LAMC1: variants seen among roughly 807,000 people sequenced by gnomAD.
LAMC1 encodes laminin subunit gamma 1, also known as laminin subunit gamma-1.
A neutral mutation model predicts 173.6 loss-of-function variants in LAMC1; 38 were observed. The observed-to-expected ratio is 0.22, with a 90% CI of 0.17 to 0.29. The LOEUF is 0.29. Among genes scored for constraint, LAMC1 ranks in the 10% least tolerant of loss-of-function variants. The probability of loss-of-function intolerance (pLI) is 1.00; values close to 1 mark genes in which losing one functional copy is unlikely to be tolerated. For missense variants in LAMC1, 1,824 were observed against 2,051.8 expected (o/e 0.89, Z 2.14); for synonymous variants, 746 against 749.1 (o/e 1.00, Z 0.07).
intron 1 of LAMC1, among the ~76,000 whole-genome samples, chr1:183,049,326 G>A (rs2102021499): frequency 6.6e-6 from 1 of 152,210 alleles, no homozygotes; most frequent in South Asian, 2.1e-4. Context: ...TGTGGCAGAA[G>A]TCTTTTTAAA....
chr1:183,108,169 C>G (rs923075320), intron 2 of LAMC1, 107 bp from the exon 3 acceptor site: 1 of 1,017,794 alleles, frequency 9.8e-7, no homozygotes, highest in African/African-American at 1.6e-5. Flanking sequence ...CTAAAGAGGG[C>G]GTAAGTTAAA....
intron 1 of LAMC1, among the ~76,000 whole-genome samples, chr1:183,063,079 T>G (rs1021306565): frequency 2.0e-5 from 3 of 152,216 alleles, no homozygotes; most frequent in Admixed American, 2.0e-4. Context: ...CAATATTAAA[T>G]TCATTGTTTG....
chr1:183,088,746 G>A (rs1474215710), intron 1 of LAMC1, among the ~76,000 whole-genome samples: 3 of 152,208 alleles, frequency 2.0e-5, no homozygotes, highest in African/African-American at 7.2e-5. Context: ...TGGCATGGAT[G>A]GATATGGTGG....
chr1:183,122,046 G>T lies in LAMC1; in HGVS notation c.2213-17G>T. 1 of 1,610,598 alleles carries T rather than the reference G, an allele frequency of 6.2e-7. No homozygotes were observed. The highest frequency in any genetic ancestry group is 1.1e-5 in the South Asian group (1 of 90,836). ...CTTGTACATTTGCCTGTTTTCTCAC[G>T]CCTGCCTTCCAAATAGGTGTTTGTA... On this transcript the variant is annotated splice_polypyrimidine_tract_variant and intron_variant, in intron 12 of 27. Coordinates refer to ENST00000258341, the MANE Select transcript of LAMC1 (RefSeq NM_002293.4).
At position 183,130,374 on chromosome 1, in the gene LAMC1, A is replaced by T; in HGVS notation, c.3311A>T (p.Gln1104Leu). The T allele has an allele frequency of 6.2e-7, 1 of 1,614,234 alleles. No individual in the cohort carries two copies. The highest frequency in any genetic ancestry group is 8.5e-7 in the Non-Finnish European group (1 of 1,180,016). ...GACCAGAATTTGATGGATCGCCTAC[A>T]GAGAGTGAATAACACTCTGTCCAGC... ...DVDQNLMDRL[Q>L]RVNNTLSSQI... The change falls in exon 19 of 28, where the codon CAG becomes CTG. Residue 1104 changes from glutamine (Q) to leucine (L), a missense_variant. Gln to Leu is a moderately radical substitution (Grantham distance 113). Transcript: ENST00000258341.
At chr1:183,142,433 G>C in intron 27 of LAMC1, 101 bp from the exon 28 acceptor site, 4 of 1,257,994 alleles carry the variant, frequency 3.2e-6, no homozygotes, top group Non-Finnish European at 4.4e-6. Flanking sequence ...TGCCTGTGCA[G>C]AATGGCAGCT....
At chr1:183,057,745 G>A (rs893858986) in intron 1 of LAMC1, among the ~76,000 whole-genome samples, 1 of 152,232 alleles carries the variant, frequency 6.6e-6, no homozygotes, top group African/African-American at 2.4e-5. Context: ...GACAGAGCAA[G>A]ACTCTGTCAT....
intron 11 of LAMC1, among the ~76,000 whole-genome samples, chr1:183,119,465 T>C (rs1352025385): frequency 6.6e-6 from 1 of 152,112 alleles, no homozygotes; most frequent in Non-Finnish European, 1.5e-5. Context: ...TTTTTAAACT[T>C]GGAAATATGA....
chr1:183,100,757 T>G (rs1347068203), intron 1 of LAMC1, among the ~76,000 whole-genome samples: 1 of 152,130 alleles, frequency 6.6e-6, no homozygotes, highest in Non-Finnish European at 1.5e-5. Flanking sequence ...TGACTGCAAC[T>G]CTGAGGGTGG....
intron 1 of LAMC1, among the ~76,000 whole-genome samples, chr1:183,099,691 C>T (rs185666472): frequency 3.2e-4 from 49 of 152,206 alleles, no homozygotes; most frequent in African/African-American, 9.9e-4. Flanking sequence ...TCAGCTGTCA[C>T]GGAACACACT....
chr1:183,097,070 G>C (rs1294761062), intron 1 of LAMC1, among the ~76,000 whole-genome samples: 1 of 152,114 alleles, frequency 6.6e-6, no homozygotes, highest in Non-Finnish European at 1.5e-5. Context: ...TAATCAGTGA[G>C]GCTCTATTTG....
chr1:183,085,530 T>G (rs1044244774), intron 1 of LAMC1, among the ~76,000 whole-genome samples: 2 of 151,936 alleles, frequency 1.3e-5, no homozygotes, highest in African/African-American at 4.8e-5. Flanking sequence ...GCTTGGCTAA[T>G]TTTTGTGTTT....
At chr1:183,063,584 G>A (rs984196664) in intron 1 of LAMC1, among the ~76,000 whole-genome samples, 2 of 152,090 alleles carry the variant, frequency 1.3e-5, no homozygotes, top group African/African-American at 4.8e-5. Context: ...CTTTTGTAGG[G>A]GCCATGCTAT....
rs559209208 is a variant in LAMC1, at chr1:183,098,295, G to T, written c.419-5033G>T. ...TTAACAGAATAAAAAGCTCCTTAGT[G>T]TTCCAGTTCTGGTTGTAGTTAATTC... On this transcript the variant is annotated intron_variant, in intron 1 of 27. Coordinates refer to ENST00000258341, the MANE Select transcript of LAMC1 (RefSeq NM_002293.4). Among the ~76,000 whole-genome samples, 4 of 152,304 alleles carry T rather than the reference G, an allele frequency of 2.6e-5. No individual in the cohort carries two copies. In the South Asian group the frequency reaches 6.2e-4, roughly 24 times the overall value.
At chr1:183,027,587 A>G (rs562723503) in intron 1 of LAMC1, among the ~76,000 whole-genome samples, 132 of 152,322 alleles carry the variant, frequency 8.7e-4, no homozygotes, top group Non-Finnish European at 1.4e-3. Context: ...TTATAAAACC[A>G]ACCCAATCAA....
In LAMC1 at chr1:183,134,793, G is replaced by A; in HGVS notation, c.3983G>A (p.Gly1328Asp). The A allele has an allele frequency of 6.2e-7, 1 of 1,613,464 alleles. No individual in the cohort carries two copies. The highest frequency in any genetic ancestry group is 1.1e-5 in the South Asian group (1 of 90,860). ...ELEVKNLLEK[G>D]KTEQQTADQL... ...GAAGTCAAGAACCTTCTGGAGAAAG[G>A]CAAGACTGAACAGCAGGTTGGTTTG... The change falls in exon 23 of 28, where the codon GGC becomes GAC. Residue 1328 changes from glycine (G) to aspartate (D), a missense_variant. Coordinates refer to ENST00000258341, the MANE Select transcript of LAMC1 (RefSeq NM_002293.4).
At chr1:183,097,298 A>C (rs1371681356) in intron 1 of LAMC1, among the ~76,000 whole-genome samples, 1 of 152,214 alleles carries the variant, frequency 6.6e-6, no homozygotes, top group Non-Finnish European at 1.5e-5. Flanking sequence ...CAACTTTATT[A>C]AAGTTTTATA....
intron 4 of LAMC1, among the ~76,000 whole-genome samples, chr1:183,113,570 T>C (rs1656227200): frequency 6.6e-6 from 1 of 152,170 alleles, no homozygotes; most frequent in African/African-American, 2.4e-5. Flanking sequence ...TCTTGAAATA[T>C]GGTTGTGCCC....
chr1:183,125,112 T>G, intron 14 of LAMC1: 1 of 593,692 alleles, frequency 1.7e-6, no homozygotes, highest in South Asian at 2.2e-5. Context: ...CTAATGTATT[T>G]TATTTAATAT....
Sources: allele counts gnomAD v4.1 joint callset (sites outside exome capture counted in the v4.1 genomes callset), GRCh38; gene constraint gnomAD v4.1.1; transcripts MANE v1.5; gene names NCBI Gene and HGNC (gene_info 2026-07-23, HGNC 2026-07-21).